FAM163B: variants seen among roughly 807,000 people sequenced by gnomAD.
FAM163B encodes family with sequence similarity 163 member B.
FAM163B carries 4 observed loss-of-function variants against 7.6 expected under a neutral mutation model. That is an observed-to-expected ratio of 0.52 (90% CI 0.26 to 1.20). FAM163B has a LOEUF of 1.20. Ranked by LOEUF, FAM163B falls within the 50% of genes most tolerant of loss-of-function variation. The pLI is 0.14. For synonymous variants in FAM163B, 120 were observed against 111.6 expected, an observed-to-expected ratio of 1.07 and a Z score of -0.47; for missense variants, 250 against 243.0, an observed-to-expected ratio of 1.03 and a Z score of -0.19.
intron 1 of FAM163B, among the ~76,000 whole-genome samples, chr9:133,599,876 T>C (rs982796835): frequency 8.6e-5 from 13 of 151,120 alleles, no homozygotes; most frequent in African/African-American, 2.9e-4. Flanking sequence ...AGTGTGTCTG[T>C]GTGCATGCAT....
chr9:133,581,743 G>T (rs1831359673), intron 1 of FAM163B, among the ~76,000 whole-genome samples: 1 of 152,174 alleles, frequency 6.6e-6, no homozygotes, highest in Admixed American at 6.5e-5. Flanking sequence ...TCCTTTATCA[G>T]TGTTTCTCCT....
chr9:133,596,246 G>GAA (rs56312420), intron 1 of FAM163B, among the ~76,000 whole-genome samples: 1 of 8,720 alleles, frequency 1.1e-4, no homozygotes, highest in South Asian at 2.8e-3. Flanking sequence ...GGGCGGCTGT[G>GAA]CGGGGAGCCC....
At position 133,579,080 on chromosome 9, in the gene FAM163B, C is replaced by T. The variant is rs532154002; in HGVS notation, c.443G>A (p.Arg148His). Residue 148 changes from arginine to histidine, a missense_variant, in exon 3 of 3, where the codon CGC becomes CAC. By Grantham distance (29) the Arg-to-His change is conservative (BLOSUM62 0). Transcript: ENST00000673969. ...GAAGGCCTCCCGCATGGCTGAGAGG[C>T]GGTTGGGGTTGAGCGCCTGCAGGCC... ...FGGLQALNPN[R>H]LSAMREAFAR... 3.7e-5 allele frequency: 58 copies of T among 1,588,460 alleles called. No homozygotes were observed. Among genetic ancestry groups the T allele is most frequent in the African/African-American group, 6.7e-5 (5 of 74,764 alleles).
chr9:133,597,715 A>C (rs1831651854), intron 1 of FAM163B, among the ~76,000 whole-genome samples: 1 of 152,184 alleles, frequency 6.6e-6, no homozygotes, highest in Non-Finnish European at 1.5e-5. Context: ...CCAGCAACGA[A>C]GGGAAAAATC....
chr9:133,585,263 G>A (rs1254129395), intron 1 of FAM163B, among the ~76,000 whole-genome samples: 2 of 152,178 alleles, frequency 1.3e-5, no homozygotes, highest in African/African-American at 2.4e-5. Context: ...AGCCAGACAC[G>A]GGCCTCCACC....
rs1284684504 is a variant in FAM163B at position 133,578,027 on chromosome 9, C to G, written c.*995G>C. On this transcript the variant is annotated 3_prime_UTR_variant, in exon 3 of 3. Coordinates refer to ENST00000673969, the MANE Select transcript of FAM163B (RefSeq NM_001080515.3). Reference sequence around the variant, plus strand: ...GCAACTCTGTCTCCCTTGGGGATCTCAGTTCCTGTTGAGACCCACAGCCTG... The same window carrying G: ...GCAACTCTGTCTCCCTTGGGGATCTGAGTTCCTGTTGAGACCCACAGCCTG... Among the ~76,000 whole-genome samples the G allele has an allele frequency of 2.6e-5, 4 of 152,124 alleles. No homozygotes were observed. Among genetic ancestry groups the G allele is most frequent in the African/African-American group, 9.7e-5 (4 of 41,422 alleles).
chr9:133,587,257 A>G (rs1831453025), intron 1 of FAM163B, among the ~76,000 whole-genome samples: 1 of 152,110 alleles, frequency 6.6e-6, no homozygotes, highest in Admixed American at 6.5e-5. Context: ...CTGGCCCACT[A>G]CTGGCATGGT....
chr9:133,579,522 A>G (rs1391281588), intron 2 of FAM163B, 93 bp from the exon 3 acceptor site: 2 of 1,454,766 alleles, frequency 1.4e-6, no homozygotes, highest in Non-Finnish European at 1.8e-6. Flanking sequence ...GAGGGGAGAT[A>G]GGCACGGTGG....
rs1484406845 is a variant in FAM163B, at chr9:133,579,375, C to T, written c.148G>A (p.Ala50Thr). 1.4e-5 allele frequency: 22 copies of T among 1,611,662 alleles called. No homozygotes were observed. Among genetic ancestry groups the T allele is most frequent in the Admixed American group, 5.0e-5 (3 of 59,712 alleles). The change falls in exon 3 of 3, where the codon GCC becomes ACC. Residue 50 changes from alanine (A) to threonine (T), a missense_variant. By Grantham distance (58) the Ala-to-Thr change is moderately conservative. Transcript: ENST00000673969. ...AGCGGGGGCAGGTGCGAGTGAACGG[C>T]GAAGTCTGGTTCCTCCTCGTCCTCC... ...SEEDEEEPDF[A>T]VHSHLPPLHS...
At chr9:133,588,995 C>T (rs66739625) in intron 1 of FAM163B, among the ~76,000 whole-genome samples, 16,586 of 152,066 alleles carry the variant, frequency 0.11, 1,259 homozygotes, top group East Asian at 0.39. Context: ...TGGTTCAGGC[C>T]CCGTCTCTCT....
At chr9:133,596,936 G>C (rs1313652968) in intron 1 of FAM163B, among the ~76,000 whole-genome samples, 1 of 152,238 alleles carries the variant, frequency 6.6e-6, no homozygotes, top group East Asian at 1.9e-4. Flanking sequence ...GAAGCACTGG[G>C]TAGAGCTGCT....
At chr9:133,593,182 G>T (rs1336985286) in intron 1 of FAM163B, among the ~76,000 whole-genome samples, 1 of 152,184 alleles carries the variant, frequency 6.6e-6, no homozygotes, top group Non-Finnish European at 1.5e-5. Context: ...CTGCAGATGA[G>T]CAAACATCAG....
At chr9:133,598,158 G>A (rs570637441) in intron 1 of FAM163B, among the ~76,000 whole-genome samples, 49 of 152,168 alleles carry the variant, frequency 3.2e-4, no homozygotes, top group South Asian at 1.0e-3. Context: ...GCCAGGCGGC[G>A]GGAGGTATTT....
At chr9:133,598,215 G>C (rs373123126) in intron 1 of FAM163B, among the ~76,000 whole-genome samples, 5 of 152,230 alleles carry the variant, frequency 3.3e-5, no homozygotes, top group African/African-American at 4.8e-5. Flanking sequence ...GTTAGAGGCA[G>C]GGTTGAGGAG....
chr9:133,602,909 G>A (rs1831747466), intron 1 of FAM163B, among the ~76,000 whole-genome samples: 1 of 152,194 alleles, frequency 6.6e-6, no homozygotes, highest in Admixed American at 6.5e-5. Flanking sequence ...TCTTAAAGCA[G>A]TGGCTAGTTT....
At chr9:133,607,205 A>G (rs1831800863) in intron 1 of FAM163B, among the ~76,000 whole-genome samples, 1 of 152,186 alleles carries the variant, frequency 6.6e-6, no homozygotes, top group Non-Finnish European at 1.5e-5. Flanking sequence ...GAAATGATCC[A>G]CCCCACAATT....
chr9:133,590,461 A>G (rs1831535438), intron 1 of FAM163B, among the ~76,000 whole-genome samples: 1 of 152,034 alleles, frequency 6.6e-6, no homozygotes. Context: ...CCCTATAGGC[A>G]CAGCCGGCGC....
chr9:133,577,376 G>T lies in FAM163B; in HGVS notation c.*1646C>A, dbSNP rs996135851. Among the ~76,000 whole-genome samples, 1 of 152,176 alleles carries T rather than the reference G, an allele frequency of 6.6e-6. No individual in the cohort carries two copies. Among genetic ancestry groups the T allele is most frequent in the East Asian group, 1.9e-4 (1 of 5,134 alleles). Reference sequence around the variant, plus strand: ...TGGGCGGGCCCGGGGGGCCGGGGCTGCGAGGGACCTCAAGGGCGAATGCCA... The same window carrying T: ...TGGGCGGGCCCGGGGGGCCGGGGCTTCGAGGGACCTCAAGGGCGAATGCCA... On this transcript the variant is annotated 3_prime_UTR_variant, in exon 3 of 3. Transcript: ENST00000673969.
chr9:133,590,297 G>A (rs1356478695), intron 1 of FAM163B, among the ~76,000 whole-genome samples: 1 of 136,638 alleles, frequency 7.3e-6, no homozygotes, highest in East Asian at 2.2e-4. Context: ...TCTCTTCCTC[G>A]AACTGAGCCC....
Sources: gnomAD v4.1 joint callset for allele counts (sites outside exome capture counted in the v4.1 genomes callset) on GRCh38, gnomAD v4.1.1 for gene constraint, MANE v1.5 for transcripts, NCBI Gene and HGNC (gene_info 2026-07-23, HGNC 2026-07-21) for gene names.